The following RFX8 variants were observed in gnomAD, a reference collection of about 807,000 sequenced individuals.
RFX8 encodes the protein regulatory factor X8.
RFX8 carries 46 observed loss-of-function variants against 54.6 expected under a neutral mutation model. The observed-to-expected ratio is 0.84, with a 90% CI of 0.67 to 1.08. RFX8 has a LOEUF of 1.08. RFX8 is among the 50% of genes least tolerant of loss of function. The probability of loss-of-function intolerance (pLI) is 0.00; values close to 1 mark genes in which losing one functional copy is unlikely to be tolerated. For missense variants in RFX8, 536 were observed against 562.3 expected (o/e 0.95, Z 0.47); for synonymous variants, 192 against 209.5 (o/e 0.92, Z 0.72).
intron 2 of RFX8, chr2:101,452,429 A>G: frequency 7.3e-7 from 1 of 1,362,052 alleles, no homozygotes; most frequent in Admixed American, 3.6e-5. Flanking sequence ...CAAGGTCCGG[A>G]AAAACCAATC....
chr2:101,405,042 G>A (rs578078537), intron 10 of RFX8, among the ~76,000 whole-genome samples: 1 of 152,262 alleles, frequency 6.6e-6, no homozygotes, highest in Admixed American at 6.5e-5. Flanking sequence ...ACTGCTGTAT[G>A]CCCAGTGCCC....
At chr2:101,408,497 A>G (rs1229245521) in intron 9 of RFX8, among the ~76,000 whole-genome samples, 1 of 151,762 alleles carries the variant, frequency 6.6e-6, no homozygotes, top group Non-Finnish European at 1.5e-5. Context: ...AAAAAAAACA[A>G]AAAAAACGCT....
intron 9 of RFX8, among the ~76,000 whole-genome samples, chr2:101,408,482 C>CAAAA (rs70943080): frequency 7.3e-6 from 1 of 136,436 alleles, no homozygotes; most frequent in African/African-American, 2.8e-5. Flanking sequence ...GACTCCGTCT[C>CAAAA]AAAAAAAAAA....
chr2:101,407,320 G>GA, intron 9 of RFX8, among the ~76,000 whole-genome samples: 1 of 152,360 alleles, frequency 6.6e-6, no homozygotes, highest in Non-Finnish European at 1.5e-5. Flanking sequence ...CACCATCTGA[G>GA]ATGGACTCTT....
chr2:101,427,973 C>T lies in RFX8; in HGVS notation c.73-5501G>A, dbSNP rs193200327. ...TTACGGACAGAATGTTGTTATCCCC[C>T]CCGCCCCCCGCAGGGTCATGTGTTA... is the stretch of plus-strand genomic sequence containing the variant. On this transcript the variant is annotated intron_variant, in intron 2 of 11. Coordinates refer to ENST00000428343, the MANE Select transcript of RFX8 (RefSeq NM_001145664.2). 2.6e-5 allele frequency among the ~76,000 whole-genome samples: 4 copies of T among 152,212 alleles called. No homozygotes were observed. The East Asian group carries it at 7.7e-4, about 29-fold the overall frequency.
chr2:101,474,281 G>T, intron 1 of RFX8: 1 of 558,410 alleles, frequency 1.8e-6, no homozygotes, highest in Non-Finnish European at 3.1e-6. Context: ...GCCATGGCTC[G>T]GCCCCGGGCC....
chr2:101,459,115 C>A (rs1334056256), intron 2 of RFX8, among the ~76,000 whole-genome samples: 1 of 152,200 alleles, frequency 6.6e-6, no homozygotes, highest in Non-Finnish European at 1.5e-5. Context: ...ATTCGTCTAA[C>A]CTTTTTTCAA....
intron 2 of RFX8, chr2:101,452,433 AC>A: frequency 7.4e-7 from 1 of 1,357,580 alleles, no homozygotes; most frequent in Non-Finnish European, 9.5e-7. Context: ...GTCCGGAAAA[AC>A]CAATCTCACA....
chr2:101,417,710 T>C, intron 5 of RFX8, 26 bp from the exon 6 acceptor site: 1 of 1,528,782 alleles, frequency 6.5e-7, no homozygotes, highest in Non-Finnish European at 8.8e-7. Context: ...CAAGACACTA[T>C]GATTCTGCTG....
At position 101,469,118 on chromosome 2, in the gene RFX8, ATATAAG is replaced by A. The variant is rs1320224438; in HGVS notation, c.-52-2224_-52-2219del. On this transcript the variant is annotated intron_variant, in intron 1 of 11. Transcript: ENST00000428343. ...AGTATATATATATAAGTGTATATAT[ATATAAG>A]TATATATATATAAGTATATATATAT... Among the ~76,000 whole-genome samples, 356 of 117,786 alleles carry A rather than the reference ATATAAG, an allele frequency of 3.0e-3. 8 individuals carry two copies. Among genetic ancestry groups the A allele is most frequent in the East Asian group, 0.011 (39 of 3,704 alleles). 77.3% of individuals were successfully genotyped at this position (117,786 alleles called of 152,430 possible).
intron 2 of RFX8, among the ~76,000 whole-genome samples, chr2:101,437,310 C>A (rs1687833544): frequency 6.6e-6 from 1 of 152,124 alleles, no homozygotes; most frequent in Admixed American, 6.5e-5. Context: ...TGCAGTGACT[C>A]CCAACTGTCG....
At chr2:101,427,054 C>T (rs558098841) in intron 2 of RFX8, among the ~76,000 whole-genome samples, 18 of 152,170 alleles carry the variant, frequency 1.2e-4, no homozygotes, top group Non-Finnish European at 2.2e-4. Flanking sequence ...GTTCCACACA[C>T]GTTTGTCATC....
At chr2:101,422,529 T>C (rs1686927437) in intron 2 of RFX8, 57 bp from the exon 3 acceptor site, 2 of 1,050,408 alleles carry the variant, frequency 1.9e-6, no homozygotes, top group African/African-American at 3.2e-5. Flanking sequence ...TTTTTTGGCA[T>C]ATAAATCTTC....
intron 2 of RFX8, among the ~76,000 whole-genome samples, chr2:101,436,622 A>AT (rs5832970): frequency 0.76 from 115,049 of 152,028 alleles, 44,502 homozygotes; most frequent in Middle Eastern, 0.88. Context: ...TCACCCAGGC[A>AT]TAAAACATTG....
chr2:101,470,566 G>A (rs1038163486), intron 1 of RFX8, among the ~76,000 whole-genome samples: 1 of 152,056 alleles, frequency 6.6e-6, no homozygotes, highest in African/African-American at 2.4e-5. Context: ...CTATTTTCCT[G>A]GTCTTGCCAT....
rs1685862831 is a variant in RFX8 at position 101,408,237 on chromosome 2, G to A, written c.814-2180C>T. 5.3e-5 allele frequency among the ~76,000 whole-genome samples: 8 copies of A among 152,290 alleles called. 1 individual carries two copies. The South Asian group carries it at 1.7e-3, about 32-fold the overall frequency. On this transcript the variant is annotated intron_variant, in intron 9 of 11. Transcript: ENST00000428343. ...GCGGTGGCTCACGCCTGTAATCCCA[G>A]CACTTTGGGAGGCTGAGGCGGGCGG...
chr2:101,406,851 C>T (rs1182617403), intron 9 of RFX8, among the ~76,000 whole-genome samples: 1 of 152,118 alleles, frequency 6.6e-6, no homozygotes. Flanking sequence ...AAAAGCTGGT[C>T]GTCATGCTTG....
chr2:101,426,403 T>C (rs1687171188), intron 2 of RFX8, among the ~76,000 whole-genome samples: 1 of 151,992 alleles, frequency 6.6e-6, no homozygotes, highest in African/African-American at 2.4e-5. Context: ...CCTGTAGTCC[T>C]AAATACTCAG....
At position 101,401,806 on chromosome 2, in the gene RFX8, G is replaced by C. The variant is rs73943463; in HGVS notation, c.1245+630C>G. Among the ~76,000 whole-genome samples the C allele has an allele frequency of 1.3e-3, 193 of 152,258 alleles. 1 individual carries two copies. Among genetic ancestry groups the C allele is most frequent in the African/African-American group, 4.6e-3 (189 of 41,526 alleles). ...TGAAGAATGGACTTGAGATCAGGCA[G>C]GCTGGGGCTCCAATCTCTGTTCCAC... is the stretch of plus-strand genomic sequence containing the variant. On this transcript the variant is annotated intron_variant, in intron 11 of 11. Transcript: ENST00000428343.
Sources: allele counts gnomAD v4.1 joint callset (sites outside exome capture counted in the v4.1 genomes callset), GRCh38; gene constraint gnomAD v4.1.1; transcripts MANE v1.5; gene names NCBI Gene and HGNC (gene_info 2026-07-23, HGNC 2026-07-21).